Variants in PDSS2 observed in about 807,000 individuals in gnomAD.
The protein encoded by PDSS2 is decaprenyl diphosphate synthase subunit 2.
In PDSS2, 31 loss-of-function variants were observed where a neutral mutation model predicts 44.5. The ratio of observed to expected loss-of-function variants is 0.70; its 90% CI spans 0.52 to 0.94. The LOEUF (loss-of-function observed/expected upper bound fraction) is 0.94. PDSS2 is among the 40% of genes least tolerant of loss of function. The pLI is 0.00. For synonymous variants in PDSS2, 157 were observed against 180.3 expected (o/e 0.87, Z 1.03); for missense variants, 452 against 482.2 (o/e 0.94, Z 0.59).
intron 1 of PDSS2, among the ~76,000 whole-genome samples, chr6:107,359,287 C>T (rs1036118072): frequency 1.8e-4 from 28 of 151,586 alleles, no homozygotes; most frequent in Non-Finnish European, 2.4e-4. Context: ...GCTGGGATTA[C>T]GGGCATGAGC....
chr6:107,403,635 C>A (rs1397359230), intron 1 of PDSS2, among the ~76,000 whole-genome samples: 1 of 152,206 alleles, frequency 6.6e-6, no homozygotes, highest in Non-Finnish European at 1.5e-5. Context: ...GTTTTCTGCA[C>A]ACCCACAGGA....
intron 4 of PDSS2, among the ~76,000 whole-genome samples, chr6:107,243,049 G>T (rs2114794063): frequency 6.6e-6 from 1 of 152,176 alleles, no homozygotes; most frequent in South Asian, 2.1e-4. Context: ...GCTAAGTGGT[G>T]GTTCAAGTAC....
rs551638643 is a variant in PDSS2 at position 107,208,631 on chromosome 6, C to T, written c.1008+1808G>A. Among the ~76,000 whole-genome samples the T allele has an allele frequency of 6.2e-3, 848 of 136,538 alleles. 7 individuals are homozygous for T. The highest frequency in any genetic ancestry group is 0.011 in the Non-Finnish European group (676 of 63,504). 89.6% of individuals were successfully genotyped at this position (136,538 alleles called of 152,430 possible). ...TGACTTTTTTTTTTTTTTTTGGGGA[C>T]GGAGTTTAGCTCTTGTCGCTCAGGC... is the stretch of plus-strand genomic sequence containing the variant. On this transcript the variant is annotated intron_variant, in intron 6 of 7. Coordinates refer to ENST00000369037, the MANE Select transcript of PDSS2 (RefSeq NM_020381.4).
At chr6:107,326,059 A>G (rs942760182) in intron 2 of PDSS2, among the ~76,000 whole-genome samples, 6 of 152,124 alleles carry the variant, frequency 3.9e-5, no homozygotes, top group Non-Finnish European at 5.9e-5. Flanking sequence ...ATGCTGAGGT[A>G]ATACGGATAA....
intron 3 of PDSS2, among the ~76,000 whole-genome samples, chr6:107,271,027 T>C (rs1775581868): frequency 6.6e-6 from 1 of 152,228 alleles, no homozygotes; most frequent in Non-Finnish European, 1.5e-5. Flanking sequence ...ATCAGTGCAA[T>C]CACTTAGCAT....
chr6:107,449,236 T>A (rs893484314), intron 1 of PDSS2, among the ~76,000 whole-genome samples: 1 of 152,234 alleles, frequency 6.6e-6, no homozygotes, highest in African/African-American at 2.4e-5. Flanking sequence ...ATGATATAAA[T>A]GTTATATAAA....
chr6:107,212,322 G>C, intron 4 of PDSS2, 40 bp from the exon 5 acceptor site: 1 of 1,483,704 alleles, frequency 6.7e-7, no homozygotes, highest in Non-Finnish European at 9.3e-7. Flanking sequence ...AAGACTTTAG[G>C]AGTAATTTAA....
chr6:107,422,085 G>GT (rs1780843635), intron 1 of PDSS2, among the ~76,000 whole-genome samples: 1 of 132,176 alleles, frequency 7.6e-6, no homozygotes, highest in African/African-American at 2.8e-5. Flanking sequence ...AATTTTAAAA[G>GT]TAAAAAAAAA....
chr6:107,349,207 C>T (rs1481347144), intron 1 of PDSS2, among the ~76,000 whole-genome samples: 3 of 151,900 alleles, frequency 2.0e-5, no homozygotes, highest in Admixed American at 6.5e-5. Flanking sequence ...CCAAGGCAGG[C>T]GGATCACGAG....
At chr6:107,446,092 C>T (rs533706502) in intron 1 of PDSS2, among the ~76,000 whole-genome samples, 2 of 152,138 alleles carry the variant, frequency 1.3e-5, no homozygotes, top group African/African-American at 4.8e-5. Context: ...CCGAGGCGGG[C>T]AGATCACAAG....
chr6:107,457,195 G>C (rs1266370230), intron 1 of PDSS2, among the ~76,000 whole-genome samples: 1 of 152,172 alleles, frequency 6.6e-6, no homozygotes, highest in African/African-American at 2.4e-5. Flanking sequence ...GGTAAGGGAA[G>C]TGAGTGTGGC....
intron 4 of PDSS2, among the ~76,000 whole-genome samples, chr6:107,223,424 G>A (rs759251010): frequency 6.6e-6 from 1 of 150,954 alleles, no homozygotes; most frequent in African/African-American, 2.5e-5. Flanking sequence ...CCAGCTCCTC[G>A]GGAGGCTGAG....
intron 2 of PDSS2, among the ~76,000 whole-genome samples, chr6:107,302,369 G>A (rs1776723311): frequency 1.3e-5 from 2 of 151,806 alleles, no homozygotes; most frequent in African/African-American, 4.8e-5. Context: ...AAATTCCTGG[G>A]CTCAAAGGAT....
intron 1 of PDSS2, among the ~76,000 whole-genome samples, chr6:107,387,591 C>T (rs1779649415): frequency 6.6e-6 from 1 of 152,166 alleles, no homozygotes; most frequent in South Asian, 2.1e-4. Flanking sequence ...AATATCTTAA[C>T]CTGTAATCCA....
chr6:107,286,196 CA>C (rs1582893690), intron 2 of PDSS2, among the ~76,000 whole-genome samples: 1 of 134,802 alleles, frequency 7.4e-6, no homozygotes, highest in Non-Finnish European at 1.6e-5. Flanking sequence ...TTAAAATAAA[CA>C]AAAAAGTTTA....
chr6:107,227,278 C>T (rs1472398781), intron 4 of PDSS2, among the ~76,000 whole-genome samples: 25 of 102,812 alleles, frequency 2.4e-4, no homozygotes, highest in African/African-American at 6.5e-4. Context: ...CCACTGTGCC[C>T]TTTTTTTTTT....
chr6:107,387,793 C>T (rs1199477476), intron 1 of PDSS2, among the ~76,000 whole-genome samples: 2 of 152,174 alleles, frequency 1.3e-5, no homozygotes, highest in Non-Finnish European at 2.9e-5. Context: ...ATTTCATTTT[C>T]TCCATCTCTT....
chr6:107,253,898 C>G (rs888672392), intron 3 of PDSS2, among the ~76,000 whole-genome samples: 1 of 152,032 alleles, frequency 6.6e-6, no homozygotes, highest in South Asian at 2.1e-4. Context: ...TGTGGTAGCT[C>G]GTGCCTGTAA....
intron 1 of PDSS2, among the ~76,000 whole-genome samples, chr6:107,429,340 C>T (rs950563063): frequency 2.6e-5 from 4 of 152,100 alleles, no homozygotes; most frequent in East Asian, 3.9e-4. Context: ...GAAGAAGTTA[C>T]TCTATAATAC....
Sources: allele counts gnomAD v4.1 joint callset (sites outside exome capture counted in the v4.1 genomes callset), GRCh38; gene constraint gnomAD v4.1.1; transcripts MANE v1.5; gene names NCBI Gene and HGNC (gene_info 2026-07-23, HGNC 2026-07-21).